GTF2F2: variants seen among roughly 807,000 people sequenced by gnomAD.
GTF2F2 encodes the protein general transcription factor IIF subunit 2, also known as ATP-dependent helicase GTF2F2.
GTF2F2 carries 23 observed loss-of-function variants against 42.2 expected under a neutral mutation model. The ratio of observed to expected loss-of-function variants is 0.55; its 90% CI spans 0.39 to 0.77. GTF2F2 has a LOEUF of 0.77. Among genes scored for constraint, GTF2F2 ranks in the 30% least tolerant of loss-of-function variants. The probability of loss-of-function intolerance (pLI) is 0.00; values close to 1 mark genes in which losing one functional copy is unlikely to be tolerated. For synonymous variants in GTF2F2, 105 were observed against 100.8 expected, an observed-to-expected ratio of 1.04 and a Z score of -0.25; for missense variants, 261 against 287.2, an observed-to-expected ratio of 0.91 and a Z score of 0.66.
chr13:45,243,948 A>AC (rs1179087442), intron 5 of GTF2F2, among the ~76,000 whole-genome samples: 1 of 152,268 alleles, frequency 6.6e-6, no homozygotes, highest in Non-Finnish European at 1.5e-5. Context: ...GGCGTGAGCC[A>AC]CTGCGCCCTG....
chr13:45,278,631 C>G (rs1365498116), intron 7 of GTF2F2, among the ~76,000 whole-genome samples: 1 of 151,684 alleles, frequency 6.6e-6, no homozygotes, highest in Non-Finnish European at 1.5e-5. Flanking sequence ...AGGAGGAGAA[C>G]TCCTTTCTCT....
intron 5 of GTF2F2, among the ~76,000 whole-genome samples, chr13:45,223,924 T>C (rs1407418492): frequency 6.6e-6 from 1 of 152,210 alleles, no homozygotes; most frequent in East Asian, 1.9e-4. Flanking sequence ...AGTTGGGTTT[T>C]CAAAATAGTT....
intron 7 of GTF2F2, among the ~76,000 whole-genome samples, 167 bp from the exon 8 acceptor site, chr13:45,283,275 G>A (rs1877337186): frequency 6.6e-6 from 1 of 152,184 alleles, no homozygotes; most frequent in Admixed American, 6.5e-5. Context: ...TGTCGCACAT[G>A]TAGAATCAAA....
intron 5 of GTF2F2, among the ~76,000 whole-genome samples, chr13:45,247,784 A>G (rs920929847): frequency 6.6e-6 from 1 of 152,186 alleles, no homozygotes; most frequent in African/African-American, 2.4e-5. Flanking sequence ...TTGAATTTCC[A>G]AGAATACCAT....
At chr13:45,155,726 C>G (rs907654277) in intron 4 of GTF2F2, among the ~76,000 whole-genome samples, 2 of 152,008 alleles carry the variant, frequency 1.3e-5, no homozygotes, top group Non-Finnish European at 2.9e-5. Context: ...ACCCTTTCTT[C>G]CACTTCTGCT....
At chr13:45,227,364 T>C (rs1011648236) in intron 5 of GTF2F2, among the ~76,000 whole-genome samples, 1 of 152,256 alleles carries the variant, frequency 6.6e-6, no homozygotes, top group Admixed American at 6.5e-5. Context: ...AACTTATATA[T>C]TCTGCTTCAG....
chr13:45,198,273 T>C (rs1873001721), intron 4 of GTF2F2, among the ~76,000 whole-genome samples: 1 of 152,232 alleles, frequency 6.6e-6, no homozygotes, highest in Non-Finnish European at 1.5e-5. Flanking sequence ...AAATGAGGTC[T>C]TTGTCATCCC....
chr13:45,152,428 A>G (rs1021413267), intron 4 of GTF2F2, among the ~76,000 whole-genome samples: 1 of 152,244 alleles, frequency 6.6e-6, no homozygotes. Flanking sequence ...CTGCCTTCTA[A>G]GATGTTGAAG....
In GTF2F2 at chr13:45,162,204, G is replaced by C. The variant is rs75947567; in HGVS notation, c.304+10373G>C. Among the ~76,000 whole-genome samples the C allele has an allele frequency of 5.7e-3, 861 of 152,284 alleles. 10 individuals carry two copies. The highest frequency in any genetic ancestry group is 0.019 in the African/African-American group (804 of 41,536). On this transcript the variant is annotated intron_variant, in intron 4 of 7. Coordinates refer to ENST00000340473, the MANE Select transcript of GTF2F2 (RefSeq NM_004128.3). ...ATAGAAATCCTGCTAGGTCTGCCTG[G>C]ATAGATGCTCTGTGGTGACTCCAGC...
Position 45,259,816 on chromosome 13 carries a change from C to G in GTF2F2, c.486+6846C>G, listed in dbSNP as rs1308693982. On this transcript the variant is annotated intron_variant, in intron 6 of 7. Transcript: ENST00000340473. ...GGGACTACAGGCGCCCGCCACCACA[C>G]CTGGCCAATGTGATCCACCCATCTC... Among the ~76,000 whole-genome samples, 3 of 152,016 alleles carry G rather than the reference C, an allele frequency of 2.0e-5. No individual in the cohort carries two copies. The East Asian group carries it at 5.8e-4, about 29-fold the overall frequency.
intron 4 of GTF2F2, among the ~76,000 whole-genome samples, chr13:45,202,121 T>A (rs1873216352): frequency 6.6e-6 from 1 of 152,200 alleles, no homozygotes; most frequent in Non-Finnish European, 1.5e-5. Flanking sequence ...GCGTGGTGGC[T>A]CACACCTGTA....
chr13:45,278,469 T>G (rs551974902), intron 7 of GTF2F2, among the ~76,000 whole-genome samples: 2 of 152,350 alleles, frequency 1.3e-5, no homozygotes, highest in Non-Finnish European at 2.9e-5. Flanking sequence ...TATTCAGATC[T>G]TGTGCTGCAG....
At chr13:45,189,972 A>G (rs914230582) in intron 4 of GTF2F2, among the ~76,000 whole-genome samples, 1 of 152,254 alleles carries the variant, frequency 6.6e-6, no homozygotes, top group Non-Finnish European at 1.5e-5. Context: ...CCAAAACACC[A>G]AAAGCAATGG....
rs5803289 is a variant in GTF2F2 at position 45,249,379 on chromosome 13, T to TAA, written c.387-3483_387-3482dup. ...TAAATTTTTAAAATGAGTTTATTTT[T>TAA]AAAAAAAAAATCAGTGTTTTCCTTT... On this transcript the variant is annotated intron_variant, in intron 5 of 7. Transcript: ENST00000340473. Among the ~76,000 whole-genome samples the TAA allele has an allele frequency of 5.9e-3, 892 of 151,230 alleles. 12 individuals are homozygous for TAA. Among genetic ancestry groups the TAA allele is most frequent in the African/African-American group, 0.02 (834 of 41,292 alleles).
At chr13:45,199,650 A>G (rs879347868) in intron 4 of GTF2F2, among the ~76,000 whole-genome samples, 2 of 152,366 alleles carry the variant, frequency 1.3e-5, no homozygotes, top group South Asian at 2.1e-4. Context: ...TCATTTTTAT[A>G]GTGCTATTTG....
intron 5 of GTF2F2, among the ~76,000 whole-genome samples, chr13:45,232,731 C>T (rs1874749537): frequency 6.6e-6 from 1 of 152,224 alleles, no homozygotes; most frequent in African/African-American, 2.4e-5. Flanking sequence ...AACTGCATTA[C>T]CTCATTCCCT....
At chr13:45,185,633 T>G (rs572900929) in intron 4 of GTF2F2, among the ~76,000 whole-genome samples, 1 of 152,216 alleles carries the variant, frequency 6.6e-6, no homozygotes. Flanking sequence ...TAAGGTAATA[T>G]ATATGTTAAT....
At chr13:45,281,983 G>C (rs1210116385) in intron 7 of GTF2F2, among the ~76,000 whole-genome samples, 2 of 152,120 alleles carry the variant, frequency 1.3e-5, no homozygotes, top group Non-Finnish European at 2.9e-5. Context: ...TGGATCACCT[G>C]AGGACAGGAG....
intron 1 of GTF2F2, among the ~76,000 whole-genome samples, chr13:45,121,347 G>A (rs1360579756): frequency 6.6e-6 from 1 of 152,182 alleles, no homozygotes; most frequent in Non-Finnish European, 1.5e-5. Context: ...CACTATTTGT[G>A]CTTTATTGTT....
Sources: gnomAD v4.1 joint callset for allele counts (sites outside exome capture counted in the v4.1 genomes callset) on GRCh38, gnomAD v4.1.1 for gene constraint, MANE v1.5 for transcripts, NCBI Gene and HGNC (gene_info 2026-07-23, HGNC 2026-07-21) for gene names.